COA1: variants seen among roughly 807,000 people sequenced by gnomAD.
COA1 encodes the protein cytochrome c oxidase assembly factor 1.
A neutral mutation model predicts 16.0 loss-of-function variants in COA1; 13 were observed. The observed-to-expected ratio is 0.81, with a 90% confidence interval of 0.53 to 1.29. The LOEUF (loss-of-function observed/expected upper bound fraction) is 1.29, where lower values mean the gene tolerates loss of function less well. COA1 is among the 50% of genes most tolerant of loss of function. The pLI is 0.00. For missense variants in COA1, 179 were observed against 177.0 expected (o/e 1.01, Z -0.06); for synonymous variants, 65 against 65.7 (o/e 0.99, Z 0.05).
chr7:43,616,352 TC>T (rs1344704275), intron 6 of COA1, among the ~76,000 whole-genome samples: 3 of 152,168 alleles, frequency 2.0e-5, no homozygotes, highest in African/African-American at 7.2e-5. Flanking sequence ...CTACCACTAG[TC>T]CTAACACAAA....
intron 1 of COA1, among the ~76,000 whole-genome samples, chr7:43,713,684 T>C (rs1406638989): frequency 6.6e-6 from 1 of 152,160 alleles, no homozygotes; most frequent in Non-Finnish European, 1.5e-5. Flanking sequence ...CCACCCACCT[T>C]TGATGCTGGA....
chr7:43,665,346 A>G (rs547478076), intron 1 of COA1, among the ~76,000 whole-genome samples: 1 of 152,378 alleles, frequency 6.6e-6, no homozygotes, highest in South Asian at 2.1e-4. Context: ...AAAATCAACT[A>G]TTAATCCAAG....
chr7:43,655,796 G>A (rs930563946), intron 1 of COA1, among the ~76,000 whole-genome samples: 2 of 152,214 alleles, frequency 1.3e-5, no homozygotes, highest in African/African-American at 2.4e-5. Flanking sequence ...GGAGGAGGCA[G>A]AATTGATGTT....
At chr7:43,700,756 A>G (rs562122003) in intron 1 of COA1, among the ~76,000 whole-genome samples, 1 of 152,250 alleles carries the variant, frequency 6.6e-6, no homozygotes, top group Admixed American at 6.5e-5. Context: ...TAGTGAGTTA[A>G]GAAAATGAAG....
In COA1 at chr7:43,647,278, C is replaced by T. The variant is rs2089606054; in HGVS notation, c.115+257G>A. 7.5e-6 allele frequency: 4 copies of T among 534,978 alleles called. No individual in the cohort carries two copies. The East Asian group carries it at 1.2e-4, about 16-fold the overall frequency. The allele number at this position is 534,978 out of a possible 1,614,324, so 33.1% of individuals were successfully genotyped here. A position where few individuals can be genotyped will look rare whatever the true frequency, so the allele number is the denominator to read the frequency against. Reference sequence around the variant, plus strand: ...ATGGAGCCCCTGTGTGTGCACTGGACTGAAAGCCCATCGTGCTTTGCTGGG... The same window carrying T: ...ATGGAGCCCCTGTGTGTGCACTGGATTGAAAGCCCATCGTGCTTTGCTGGG... On this transcript the variant is annotated intron_variant, in intron 3 of 5. Coordinates refer to ENST00000223336, the MANE Select transcript of COA1 (RefSeq NM_018224.4).
At chr7:43,637,980 T>C (rs1481654160), downstream of COA1, among the ~76,000 whole-genome samples, 1 of 152,068 alleles carries the variant, frequency 6.6e-6, no homozygotes, top group African/African-American at 2.4e-5. Context: ...ATATAGACAA[T>C]AGGACAGTGT....
At chr7:43,617,015 T>C (rs148963610) in intron 6 of COA1, among the ~76,000 whole-genome samples, 10 of 152,360 alleles carry the variant, frequency 6.6e-5, no homozygotes, top group African/African-American at 2.4e-4. Context: ...AAGTTGAGAC[T>C]AGGCAAAGAA....
chr7:43,618,257 T>G (rs555389066), intron 6 of COA1, among the ~76,000 whole-genome samples: 1 of 152,180 alleles, frequency 6.6e-6, no homozygotes, highest in South Asian at 2.1e-4. Context: ...CAGGGCAGGC[T>G]TTACAGAGGA....
intron 1 of COA1, among the ~76,000 whole-genome samples, chr7:43,666,845 A>ACC (rs1186097431): frequency 6.6e-6 from 1 of 152,246 alleles, no homozygotes; most frequent in Non-Finnish European, 1.5e-5. Flanking sequence ...ACCAAAAATA[A>ACC]AAGTTGCTAA....
At chr7:43,662,184 CT>C (rs759143289) in intron 1 of COA1, among the ~76,000 whole-genome samples, 323 of 152,322 alleles carry the variant, frequency 2.1e-3, no homozygotes, top group Non-Finnish European at 2.9e-3. Flanking sequence ...GAACATGCTC[CT>C]CCCTTTTCCA....
chr7:43,650,902 A>G (rs969752239), intron 1 of COA1, among the ~76,000 whole-genome samples: 4 of 151,778 alleles, frequency 2.6e-5, no homozygotes, highest in African/African-American at 4.8e-5. Context: ...GGATCAACCA[A>G]GTCTCCCCAG....
intron 1 of COA1, chr7:43,658,766 C>T (rs552128694): frequency 1.3e-5 from 2 of 152,410 alleles, no homozygotes; most frequent in South Asian, 2.1e-4. Flanking sequence ...AACGGCACCT[C>T]TGCCAAGGTG....
intron 6 of COA1, chr7:43,619,482 T>G (rs1371243231): frequency 7.7e-6 from 10 of 1,294,668 alleles, no homozygotes; most frequent in East Asian, 2.3e-5. Flanking sequence ...AAATGACTGT[T>G]TACTGTTAAA....
intron 6 of COA1, among the ~76,000 whole-genome samples, chr7:43,619,980 G>C (rs1358111954): frequency 6.6e-6 from 1 of 152,170 alleles, no homozygotes. Context: ...GAATAGGAGA[G>C]GATTTTCTTA....
rs533359127 is a variant in COA1 at position 43,627,148 on chromosome 7, T to C, written c.*133+12301A>G. Among the ~76,000 whole-genome samples, 5 of 152,344 alleles carry C rather than the reference T, an allele frequency of 3.3e-5. No homozygotes were observed. In the South Asian group the frequency reaches 8.3e-4, roughly 25 times the overall value. On this transcript the variant is annotated intron_variant and NMD_transcript_variant, in intron 6 of 6. Coordinates refer to the COA1 transcript ENST00000415076. ...TAACTATAATTCAACAATATTTTGG[T>C]GTGGTGAAACGTTGTTTATGAAATG...
Position 43,663,085 on chromosome 7 carries a change from C to T in COA1, c.-38-14433G>A, listed in dbSNP as rs544661224. On this transcript the variant is annotated intron_variant, in intron 1 of 5. Transcript: ENST00000223336. Reference sequence around the variant, plus strand: ...GGATTTCTCTTGAATGAGTTGGCACCATCCTCTTGGTGCTATCTTCACAAT... The same window carrying T: ...GGATTTCTCTTGAATGAGTTGGCACTATCCTCTTGGTGCTATCTTCACAAT... 5.9e-5 allele frequency among the ~76,000 whole-genome samples: 9 copies of T among 152,300 alleles called. No individual in the cohort carries two copies. The East Asian group carries it at 1.7e-3, about 29-fold the overall frequency.
intron 1 of COA1, among the ~76,000 whole-genome samples, chr7:43,706,634 C>CA (rs1289974112): frequency 6.6e-6 from 1 of 151,996 alleles, no homozygotes; most frequent in Non-Finnish European, 1.5e-5. Context: ...TTTAGGAGGG[C>CA]AAGGTCAGCA....
chr7:43,687,066 C>T (rs1035250996), intron 1 of COA1, among the ~76,000 whole-genome samples: 4 of 152,140 alleles, frequency 2.6e-5, no homozygotes, highest in African/African-American at 7.2e-5. Flanking sequence ...TTTATCCATG[C>T]TTGTTTCTGG....
At position 43,639,699 on chromosome 7, in the gene COA1, T is replaced by C. The variant is rs905384203; in HGVS notation, c.342-18A>G. ...GGTGCCACCTGAGAGAAACCAAAAGTATAGTATCTCTAATCTATGAAGGCT... is the reference window on the plus strand; with the variant it reads ...GGTGCCACCTGAGAGAAACCAAAAGCATAGTATCTCTAATCTATGAAGGCT... On this transcript the variant is annotated intron_variant, in intron 5 of 5. Transcript: ENST00000223336. The C allele has an allele frequency of 6.3e-7, 1 of 1,591,884 alleles. No homozygotes were observed. The highest frequency in any genetic ancestry group is 8.6e-7 in the Non-Finnish European group (1 of 1,160,164).
Sources: gnomAD v4.1 joint callset for allele counts (sites outside exome capture counted in the v4.1 genomes callset) on GRCh38, gnomAD v4.1.1 for gene constraint, MANE v1.5 for transcripts, NCBI Gene and HGNC (gene_info 2026-07-23, HGNC 2026-07-21) for gene names.